Variants in MOB4 observed in about 807,000 individuals in gnomAD.
The protein encoded by MOB4 is MOB-like protein phocein.
Under a neutral mutation model 32.2 loss-of-function variants are expected in MOB4, and 4 were observed. The observed-to-expected ratio is 0.12, with a 90% CI of 0.06 to 0.28. The LOEUF is 0.28. Ranked by LOEUF, MOB4 falls within the 10% of genes least tolerant of loss-of-function variation. The pLI is 1.00. For missense variants in MOB4, 158 were observed against 271.2 expected (o/e 0.58, Z 2.93); for synonymous variants, 88 against 88.1 (o/e 1.00, Z 0.01).
intron 1 of MOB4, among the ~76,000 whole-genome samples, chr2:197,522,110 C>T (rs570101103): frequency 7.9e-5 from 12 of 152,262 alleles, no homozygotes; most frequent in Non-Finnish European, 1.6e-4. Context: ...TCTTCACAAT[C>T]CACATTCTTC....
Position 197,525,471 on chromosome 2 carries a change from C to G in MOB4, c.123+1785C>G, listed in dbSNP as rs571535711. ...AACCACCCATCTGGGTGTGGGGGCT[C>G]ACACCTGTAATCTTAGTACTTTGGG... is the stretch of plus-strand genomic sequence containing the variant. On this transcript the variant is annotated intron_variant, in intron 2 of 7. Coordinates refer to ENST00000323303, the MANE Select transcript of MOB4 (RefSeq NM_015387.5). Among the ~76,000 whole-genome samples, 5 of 152,132 alleles carry G rather than the reference C, an allele frequency of 3.3e-5. No homozygotes were observed. The East Asian group carries it at 9.6e-4, about 29-fold the overall frequency.
intron 3 of MOB4, among the ~76,000 whole-genome samples, chr2:197,538,892 C>G (rs2086848790): frequency 6.6e-6 from 1 of 152,124 alleles, no homozygotes; most frequent in Non-Finnish European, 1.5e-5. Context: ...TTTTTGTAAT[C>G]TAAGGACAGC....
chr2:197,544,307 A>G (rs934343161), intron 5 of MOB4, among the ~76,000 whole-genome samples: 6 of 152,130 alleles, frequency 3.9e-5, no homozygotes, highest in African/African-American at 1.4e-4. Context: ...CCTGGCCTCA[A>G]GTGATCCACC....
At chr2:197,521,611 G>A (rs192174119) in intron 1 of MOB4, among the ~76,000 whole-genome samples, 1,921 of 152,266 alleles carry the variant, frequency 0.013, 21 homozygotes, top group Non-Finnish European at 0.021. Flanking sequence ...GACCATAGAA[G>A]ACGGCCATAC....
intron 5 of MOB4, among the ~76,000 whole-genome samples, chr2:197,544,180 C>A (rs2086949872): frequency 6.6e-6 from 1 of 152,150 alleles, no homozygotes; most frequent in Admixed American, 6.5e-5. Flanking sequence ...TCAAGCAGTT[C>A]ACTGCCTCAG....
intron 3 of MOB4, among the ~76,000 whole-genome samples, chr2:197,538,312 G>A (rs371390809): frequency 6.6e-6 from 1 of 150,804 alleles, no homozygotes; most frequent in Non-Finnish European, 1.5e-5. Context: ...TTTTGGTCTG[G>A]GTTGTATATT....
chr2:197,544,995 C>T (rs1025490163), intron 5 of MOB4, among the ~76,000 whole-genome samples: 5 of 152,128 alleles, frequency 3.3e-5, no homozygotes, highest in African/African-American at 1.2e-4. Context: ...TTTGGAAGTT[C>T]CTTAAAATGG....
intron 2 of MOB4, among the ~76,000 whole-genome samples, chr2:197,525,899 G>A (rs1033907753): frequency 2.0e-5 from 3 of 152,034 alleles, no homozygotes; most frequent in Admixed American, 6.6e-5. Context: ...AAAAATAGGG[G>A]GAAGTGTCCT....
At chr2:197,550,187 T>A (rs2087073937) in intron 6 of MOB4, 88 bp from the exon 7 acceptor site, 4 of 1,278,602 alleles carry the variant, frequency 3.1e-6, no homozygotes, top group Non-Finnish European at 4.2e-6. Flanking sequence ...AGGTGTCAGT[T>A]TCTACACTTG....
intron 5 of MOB4, among the ~76,000 whole-genome samples, chr2:197,545,947 G>T (rs1445485473): frequency 1.3e-5 from 2 of 152,102 alleles, no homozygotes; most frequent in East Asian, 3.8e-4. Flanking sequence ...TCAAAAAGTA[G>T]CCCATTAATT....
Position 197,532,555 on chromosome 2 carries a change from G to A in MOB4, c.124-2975G>A, listed in dbSNP as rs575354927. On this transcript the variant is annotated intron_variant, in intron 2 of 7. Coordinates refer to ENST00000323303, the MANE Select transcript of MOB4 (RefSeq NM_015387.5). ...CTTGAATTAGCCAGGTGTTGTGGGC[G>A]CACGCCTGTAATCCCAGCTACTTGG... Among the ~76,000 whole-genome samples the A allele has an allele frequency of 7.4e-4, 112 of 152,062 alleles. 2 individuals are homozygous for A. The South Asian group carries it at 0.013, about 18-fold the overall frequency.
chr2:197,527,211 C>T (rs1031195488), intron 2 of MOB4, among the ~76,000 whole-genome samples: 3 of 151,928 alleles, frequency 2.0e-5, no homozygotes, highest in Non-Finnish European at 4.4e-5. Flanking sequence ...TAGAGATTGC[C>T]TCGTATCTCT....
In MOB4 at chr2:197,517,402, T is replaced by G. The variant is rs181253642; in HGVS notation, c.60+1256T>G. 2.3e-3 allele frequency among the ~76,000 whole-genome samples: 350 copies of G among 152,348 alleles called. 1 individual carries two copies. The highest frequency in any genetic ancestry group is 8.0e-3 in the African/African-American group (333 of 41,582). ...TTTATCCGTTACATATGCTTGCTTT[T>G]TACCGTTTCCACACTTTTCTTCCTC... On this transcript the variant is annotated intron_variant, in intron 1 of 7. Transcript: ENST00000323303.
chr2:197,516,425 C>A, intron 1 of MOB4: 1 of 1,333,928 alleles, frequency 7.5e-7, no homozygotes, highest in Non-Finnish European at 9.8e-7. Context: ...GCGAGCCTGT[C>A]AGCAGCAACG....
chr2:197,537,839 G>C (rs546491033), intron 3 of MOB4, among the ~76,000 whole-genome samples: 1 of 152,286 alleles, frequency 6.6e-6, no homozygotes, highest in South Asian at 2.1e-4. Context: ...GAGTGCAGTG[G>C]TGTGATCTCG....
intron 2 of MOB4, among the ~76,000 whole-genome samples, chr2:197,531,322 G>A (rs1233289619): frequency 6.6e-6 from 1 of 151,978 alleles, no homozygotes; most frequent in Non-Finnish European, 1.5e-5. Flanking sequence ...GGGATTACAG[G>A]CGTGAGCCAC....
intron 2 of MOB4, among the ~76,000 whole-genome samples, chr2:197,529,382 C>T (rs775401493): frequency 3.9e-5 from 6 of 152,026 alleles, no homozygotes; most frequent in Non-Finnish European, 7.4e-5. Flanking sequence ...GATAGAGTCT[C>T]GCTCTGTCAC....
chr2:197,524,301 G>T (rs1225234501), intron 2 of MOB4, among the ~76,000 whole-genome samples: 2 of 152,022 alleles, frequency 1.3e-5, no homozygotes, highest in African/African-American at 4.8e-5. Context: ...GGGAAGCCGA[G>T]GCAGGTGGAT....
chr2:197,544,914 G>A (rs531078112), intron 5 of MOB4, among the ~76,000 whole-genome samples: 4 of 152,112 alleles, frequency 2.6e-5, no homozygotes, highest in Non-Finnish European at 5.9e-5. Context: ...AAGTGCTGAC[G>A]GGGATGTGAA....
Sources: allele counts gnomAD v4.1 joint callset (sites outside exome capture counted in the v4.1 genomes callset), GRCh38; gene constraint gnomAD v4.1.1; transcripts MANE v1.5; gene names NCBI Gene and HGNC (gene_info 2026-07-23, HGNC 2026-07-21).